The following PDE4D variants were observed in gnomAD, a reference collection of about 807,000 sequenced individuals.
The protein encoded by PDE4D is phosphodiesterase 4D, also known as 3',5'-cyclic-AMP phosphodiesterase 4D.
A neutral mutation model predicts 87.4 loss-of-function variants in PDE4D; 24 were observed. That is an observed-to-expected ratio of 0.27 (90% CI 0.20 to 0.39). The LOEUF is 0.39. PDE4D is among the 10% of genes least tolerant of loss of function. The pLI is 1.00. For missense variants in PDE4D, 714 were observed against 1,041.0 expected (o/e 0.69, Z 4.32); for synonymous variants, 384 against 383.2 (o/e 1.00, Z -0.02).
chr5:60,421,775 GA>G (rs1475502026), intron 1 of PDE4D, among the ~76,000 whole-genome samples: 1 of 152,140 alleles, frequency 6.6e-6, no homozygotes, highest in African/African-American at 2.4e-5. Context: ...CTAACCCATT[GA>G]AGGAAGCTGA....
At chr5:59,016,351 G>GT (rs11413820) in intron 6 of PDE4D, among the ~76,000 whole-genome samples, 3,981 of 105,356 alleles carry the variant, frequency 0.038, 70 homozygotes, top group African/African-American at 0.065. Context: ...TCATATCACA[G>GT]TTTTTTTTTT....
intron 5 of PDE4D, among the ~76,000 whole-genome samples, chr5:59,040,545 T>G (rs1471343932): frequency 2.0e-5 from 3 of 152,202 alleles, no homozygotes; most frequent in African/African-American, 7.2e-5. Flanking sequence ...AAAGACCATA[T>G]TCAAAGGCAT....
chr5:59,477,738 C>T (rs1803544227), intron 1 of PDE4D, among the ~76,000 whole-genome samples: 1 of 152,048 alleles, frequency 6.6e-6, no homozygotes, highest in Non-Finnish European at 1.5e-5. Context: ...ACCAAAAAGA[C>T]ACATGCACTC....
intron 1 of PDE4D, among the ~76,000 whole-genome samples, chr5:59,874,207 G>A (rs761510150): frequency 1.3e-5 from 2 of 152,090 alleles, no homozygotes; most frequent in Non-Finnish European, 2.9e-5. Context: ...CATCTCTGAA[G>A]AAAAAAGTAA....
intron 1 of PDE4D, among the ~76,000 whole-genome samples, chr5:60,197,061 A>ATAGATAGACAGT (rs1741314919): frequency 1.8e-5 from 2 of 110,138 alleles, no homozygotes; most frequent in Non-Finnish European, 3.7e-5. Context: ...AGATAGATAG[A>ATAGATAGACAGT]TAGATAGATA....
At chr5:60,423,983 C>A (rs1474290133) in intron 1 of PDE4D, among the ~76,000 whole-genome samples, 2 of 152,078 alleles carry the variant, frequency 1.3e-5, no homozygotes, top group African/African-American at 4.8e-5. Flanking sequence ...CAAGAATAAA[C>A]CAGGAAGAAG....
At chr5:60,319,177 T>C (rs1300098588) in intron 1 of PDE4D, among the ~76,000 whole-genome samples, 2 of 152,164 alleles carry the variant, frequency 1.3e-5, no homozygotes, top group Non-Finnish European at 2.9e-5. Flanking sequence ...GGAGGCTTTG[T>C]TTGTTTCTGT....
chr5:59,753,126 G>C (rs1258835235), intron 1 of PDE4D, among the ~76,000 whole-genome samples: 1 of 152,140 alleles, frequency 6.6e-6, no homozygotes, highest in African/African-American at 2.4e-5. Context: ...CTCTGCTATA[G>C]ATAGTGGACA....
chr5:60,046,352 C>A (rs538605556), intron 2 of PDE4D, among the ~76,000 whole-genome samples: 1 of 152,094 alleles, frequency 6.6e-6, no homozygotes, highest in African/African-American at 2.4e-5. Flanking sequence ...ATTGAATACC[C>A]TTTATTTCCT....
chr5:60,057,124 T>C lies in PDE4D; in HGVS notation c.43-68407A>G, dbSNP rs184561319. On this transcript the variant is annotated intron_variant, in intron 2 of 16. Coordinates refer to the PDE4D transcript ENST00000502484. ...AGGTATATAATTTCATGCCCACTTA[T>C]ATTTGATGAAACTAAAGTCTCTACA... Among the ~76,000 whole-genome samples, 168 of 152,170 alleles carry C rather than the reference T, an allele frequency of 1.1e-3. 1 individual carries two copies. The highest frequency in any genetic ancestry group is 3.4e-3 in the Middle Eastern group (1 of 294).
intron 1 of PDE4D, among the ~76,000 whole-genome samples, chr5:59,830,583 C>T (rs1192817099): frequency 6.6e-6 from 1 of 152,088 alleles, no homozygotes; most frequent in African/African-American, 2.4e-5. Flanking sequence ...TCATCATCTT[C>T]ATGTAGCCTT....
At chr5:59,144,169 T>C (rs1168123027) in intron 5 of PDE4D, among the ~76,000 whole-genome samples, 2 of 152,228 alleles carry the variant, frequency 1.3e-5, no homozygotes, top group African/African-American at 4.8e-5. Context: ...AAGAATTATC[T>C]GTCCTTAACT....
chr5:59,496,738 C>T (rs776474774), intron 1 of PDE4D, among the ~76,000 whole-genome samples: 2 of 152,138 alleles, frequency 1.3e-5, no homozygotes, highest in Non-Finnish European at 2.9e-5. Context: ...GAATGGTTGT[C>T]GAGAAGGGGT....
At chr5:59,101,478 T>C (rs1002442528) in intron 5 of PDE4D, among the ~76,000 whole-genome samples, 3 of 152,202 alleles carry the variant, frequency 2.0e-5, no homozygotes, top group Admixed American at 2.0e-4. Context: ...ATCCACTTAA[T>C]GATTTTTCCA....
At chr5:60,156,862 T>C (rs1440128424) in intron 2 of PDE4D, among the ~76,000 whole-genome samples, 1 of 152,140 alleles carries the variant, frequency 6.6e-6, no homozygotes, top group African/African-American at 2.4e-5. Flanking sequence ...GATGCTTATA[T>C]AATATACCAT....
intron 5 of PDE4D, among the ~76,000 whole-genome samples, chr5:59,101,301 AAGTCTC>A (rs1303038617): frequency 6.6e-6 from 1 of 152,168 alleles, no homozygotes; most frequent in Non-Finnish European, 1.5e-5. Context: ...CAAAGTGAGA[AAGTCTC>A]TTTTCTCCTG....
intron 2 of PDE4D, among the ~76,000 whole-genome samples, chr5:60,179,795 C>T (rs1007536038): frequency 2.0e-5 from 3 of 151,920 alleles, no homozygotes; most frequent in East Asian, 1.9e-4. Context: ...AAAAGCTAAA[C>T]AAAATTTTAA....
At chr5:59,292,866 G>T (rs918591754) in intron 1 of PDE4D, among the ~76,000 whole-genome samples, 4 of 152,114 alleles carry the variant, frequency 2.6e-5, no homozygotes, top group African/African-American at 9.7e-5. Flanking sequence ...GGGAATTCTG[G>T]TAAGAAGTGA....
chr5:59,620,453 G>C (rs1830220421), intron 1 of PDE4D, among the ~76,000 whole-genome samples: 1 of 152,194 alleles, frequency 6.6e-6, no homozygotes, highest in African/African-American at 2.4e-5. Flanking sequence ...ACTATGCTTA[G>C]AGTGTGGGAT....
Sources: allele counts gnomAD v4.1 joint callset (sites outside exome capture counted in the v4.1 genomes callset), GRCh38; gene constraint gnomAD v4.1.1; transcripts MANE v1.5; gene names NCBI Gene and HGNC (gene_info 2026-07-23, HGNC 2026-07-21).